Variants in UBAP2L observed in about 807,000 individuals in gnomAD.
The protein encoded by UBAP2L is ubiquitin-associated protein 2-like.
Under a neutral mutation model 130.6 loss-of-function variants are expected in UBAP2L, and 12 were observed. The observed-to-expected ratio is 0.09, with a 90% CI of 0.06 to 0.15. UBAP2L has a LOEUF of 0.15. Among genes scored for constraint, UBAP2L ranks in the 10% least tolerant of loss-of-function variants. UBAP2L has a pLI of 1.00. For missense variants in UBAP2L, 965 were observed against 1,332.5 expected, an observed-to-expected ratio of 0.72 and a Z score of 4.29; for synonymous variants, 503 against 524.7, an observed-to-expected ratio of 0.96 and a Z score of 0.57.
intron 4 of UBAP2L, among the ~76,000 whole-genome samples, chr1:154,230,636 T>G (rs1484757298): frequency 6.6e-6 from 1 of 152,240 alleles, no homozygotes; most frequent in Admixed American, 6.5e-5. Flanking sequence ...AAATCACATT[T>G]TATCTTACCT....
intron 4 of UBAP2L, among the ~76,000 whole-genome samples, chr1:154,229,853 TAAC>T (rs1033142955): frequency 1.4e-4 from 22 of 152,346 alleles, no homozygotes; most frequent in African/African-American, 5.3e-4. Context: ...TCCTTACAGA[TAAC>T]AACTTGTTTT....
intron 8 of UBAP2L, among the ~76,000 whole-genome samples, chr1:154,240,168 A>G (rs992619429): frequency 3.3e-5 from 5 of 152,104 alleles, no homozygotes; most frequent in African/African-American, 1.2e-4. Flanking sequence ...AGAGTTATTT[A>G]ATATATATTA....
At chr1:154,262,431 G>A (rs953809933) in intron 24 of UBAP2L, among the ~76,000 whole-genome samples, 4 of 152,170 alleles carry the variant, frequency 2.6e-5, no homozygotes, top group African/African-American at 9.7e-5. Context: ...GAGTGAGAAG[G>A]AATCTTTGAA....
intron 8 of UBAP2L, among the ~76,000 whole-genome samples, chr1:154,238,697 G>T (rs1440069834): frequency 6.6e-6 from 1 of 151,674 alleles, no homozygotes; most frequent in Non-Finnish European, 1.5e-5. Context: ...AAAAGTGTTG[G>T]TTATAGCTTC....
intron 16 of UBAP2L, 128 bp from the exon 17 acceptor site, chr1:154,255,023 TC>T (rs1679163969): frequency 7.1e-7 from 1 of 1,411,918 alleles, no homozygotes; most frequent in Non-Finnish European, 9.6e-7. Flanking sequence ...GAAAAAAGAT[TC>T]TACCTAATAT....
At chr1:154,254,808 G>C (rs755016248) in intron 15 of UBAP2L, 28 bp from the exon 16 acceptor site, 17 of 1,569,080 alleles carry the variant, frequency 1.1e-5, no homozygotes, top group Non-Finnish European at 1.5e-5. Flanking sequence ...TCTGTTTCTT[G>C]CTCTTCTGTT....
At chr1:154,238,283 T>C (rs1454150545) in intron 8 of UBAP2L, among the ~76,000 whole-genome samples, 3 of 152,258 alleles carry the variant, frequency 2.0e-5, no homozygotes, top group Non-Finnish European at 4.4e-5. Context: ...CTGCATCATT[T>C]AGTTACGAAA....
intron 21 of UBAP2L, chr1:154,259,621 C>T (rs1472228338): frequency 2.5e-5 from 9 of 360,790 alleles, no homozygotes; most frequent in South Asian, 1.2e-4. Flanking sequence ...TTTAAATTAT[C>T]GAATGATCTG....
chr1:154,250,899 T>C, intron 12 of UBAP2L, 142 bp from the exon 13 acceptor site: 1 of 667,680 alleles, frequency 1.5e-6, no homozygotes, highest in Non-Finnish European at 2.3e-6. Flanking sequence ...CCTATAGAAA[T>C]GAGATTAAGC....
At position 154,227,278 on chromosome 1, in the gene UBAP2L, C is replaced by T; in HGVS notation, c.91-4C>T. The T allele has an allele frequency of 6.2e-7, 1 of 1,613,022 alleles. No individual in the cohort carries two copies. On this transcript the variant is annotated splice_polypyrimidine_tract_variant and splice_region_variant and intron_variant, in intron 2 of 26. Coordinates refer to ENST00000428931, the MANE Select transcript of UBAP2L (RefSeq NM_014847.4). ...TGCTTTCTTGATCTCATCTCAATTC[C>T]TAGGCCACTGCAGAACAAATTAGAC...
intron 10 of UBAP2L, among the ~76,000 whole-genome samples, chr1:154,245,927 A>G (rs2148810570): frequency 6.6e-6 from 1 of 152,234 alleles, no homozygotes; most frequent in Middle Eastern, 3.4e-3. Context: ...CAAACAAACA[A>G]ACAAAAACTA....
At chr1:154,249,116 CAG>C (rs1200435291) in intron 11 of UBAP2L, 121 bp from the exon 12 acceptor site, 23 of 857,244 alleles carry the variant, frequency 2.7e-5, no homozygotes, top group South Asian at 9.1e-5. Context: ...GCTGTATACT[CAG>C]TGTGACAGTA....
intron 8 of UBAP2L, among the ~76,000 whole-genome samples, chr1:154,240,935 T>TCCCCCCCC (rs71096517): frequency 6.2e-5 from 5 of 80,734 alleles, no homozygotes; most frequent in African/African-American, 8.6e-5. Flanking sequence ...TGTCTGTCTG[T>TCCCCCCCC]CCCCCCCCCC....
At chr1:154,235,544 C>T (rs1165182677) in intron 6 of UBAP2L, among the ~76,000 whole-genome samples, 2 of 152,050 alleles carry the variant, frequency 1.3e-5, no homozygotes, top group Admixed American at 6.6e-5. Context: ...GAGTCTCGCA[C>T]TGTCACCCAG....
intron 4 of UBAP2L, among the ~76,000 whole-genome samples, chr1:154,229,733 G>C (rs1299849271): frequency 1.3e-5 from 2 of 152,082 alleles, no homozygotes; most frequent in African/African-American, 2.4e-5. Context: ...CAAAGTGCTG[G>C]GATTATGGGC....
intron 10 of UBAP2L, among the ~76,000 whole-genome samples, chr1:154,244,187 G>T (rs578065819): frequency 6.6e-6 from 1 of 152,280 alleles, no homozygotes; most frequent in East Asian, 1.9e-4. Context: ...CAAAAATTCA[G>T]TTCTGACGTT....
At position 154,251,018 on chromosome 1, in the gene UBAP2L, A is replaced by G. The variant is rs750262100; in HGVS notation, c.1214-23A>G. On this transcript the variant is annotated intron_variant, in intron 12 of 26. Transcript: ENST00000428931. ...GAGATTCATTAGCATCTCTGGCTTC[A>G]TATACTGGGTTTCCTCTTGCAGATT... 1.1e-5 allele frequency: 18 copies of G among 1,591,256 alleles called. No homozygotes were observed. The Admixed American group carries it at 1.9e-4, about 17-fold the overall frequency.
rs148311699 is a variant in UBAP2L at position 154,236,442 on chromosome 1, G to A, written c.545-124G>A. The A allele has an allele frequency of 2.2e-4, 210 of 969,710 alleles. No homozygotes were observed. In the African/African-American group the frequency reaches 2.9e-3, roughly 13 times the overall value. 60.1% of individuals were successfully genotyped at this position (969,710 alleles called of 1,614,324 possible). A position where few individuals can be genotyped will look rare whatever the true frequency, so the allele number is the denominator to read the frequency against. ...TCGAACTTCTGGATGCAACCAATCC[G>A]CCCGCCCTCAGCCTTTCAAAGTGCT... On this transcript the variant is annotated intron_variant, in intron 6 of 26. Coordinates refer to ENST00000428931, the MANE Select transcript of UBAP2L (RefSeq NM_014847.4).
rs957878758 is a variant in UBAP2L, at chr1:154,249,287, G to A, written c.1063G>A (p.Gly355Ser). The change falls in exon 12 of 27, where the codon GGC becomes AGC. Residue 355 changes from glycine to serine, a missense_variant. Gly to Ser is a moderately conservative substitution (Grantham distance 56). This residue lies in a region of UBAP2L where 99 missense variants were observed against 106.4 expected (regional missense o/e 0.93). Transcript: ENST00000428931. ...TGGTGATGTCGGTGAAGCTAAAGGC[G>A]GCAGTACTACAGGCTCCCAGTTCTT... Reference protein sequence around the residue: ...GFGDVGEAKGGSTTGSQFLEQ... With the variant: ...GFGDVGEAKGSSTTGSQFLEQ... 2.5e-5 allele frequency: 41 copies of A among 1,613,996 alleles called. No homozygotes were observed. The highest frequency in any genetic ancestry group is 3.2e-5 in the Non-Finnish European group (38 of 1,180,036).
Sources: gnomAD v4.1 joint callset for allele counts (sites outside exome capture counted in the v4.1 genomes callset) on GRCh38, gnomAD v4.1.1 for gene constraint, gnomAD v4.1.1 regional missense constraint, MANE v1.5 for transcripts, NCBI Gene and HGNC (gene_info 2026-07-23, HGNC 2026-07-21) for gene names.